KALRN: variants seen among roughly 807,000 people sequenced by gnomAD.
KALRN encodes the protein kalirin.
KALRN carries 70 observed loss-of-function variants against 353.7 expected under a neutral mutation model. The observed-to-expected ratio is 0.20, with a 90% CI of 0.16 to 0.24. The LOEUF (loss-of-function observed/expected upper bound fraction) is 0.24, where lower values mean the gene tolerates loss of function less well. Among genes scored for constraint, KALRN ranks in the 10% least tolerant of loss-of-function variants. The pLI is 1.00. For synonymous variants in KALRN, 1,391 were observed against 1,434.8 expected, an observed-to-expected ratio of 0.97 and a Z score of 0.69; for missense variants, 2,791 against 3,756.7, an observed-to-expected ratio of 0.74 and a Z score of 6.72.
chr3:124,617,061 G>A (rs1220993907), intron 34 of KALRN, among the ~76,000 whole-genome samples: 1 of 152,054 alleles, frequency 6.6e-6, no homozygotes, highest in Non-Finnish European at 1.5e-5. Context: ...GCTGGGCGTG[G>A]TGGCTCACGT....
intron 13 of KALRN, among the ~76,000 whole-genome samples, chr3:124,411,501 G>A (rs892271167): frequency 7.9e-6 from 1 of 127,110 alleles, no homozygotes; most frequent in Non-Finnish European, 1.6e-5. Context: ...GAGTGCAGTA[G>A]CATAATAATA....
intron 1 of KALRN, among the ~76,000 whole-genome samples, chr3:124,137,647 G>C (rs1358488706): frequency 1.3e-5 from 2 of 152,164 alleles, no homozygotes; most frequent in East Asian, 3.8e-4. Flanking sequence ...CTTCTTAAAA[G>C]AGTTTCTCCA....
intron 1 of KALRN, among the ~76,000 whole-genome samples, chr3:124,102,877 T>C (rs1446135270): frequency 1.3e-5 from 2 of 152,276 alleles, no homozygotes; most frequent in African/African-American, 2.4e-5. Context: ...ATGTAATTAT[T>C]TGATAATTCC....
chr3:124,510,276 T>C (rs1561181893), intron 33 of KALRN, among the ~76,000 whole-genome samples: 2 of 152,112 alleles, frequency 1.3e-5, no homozygotes, highest in Non-Finnish European at 2.9e-5. Context: ...AAGATTCGTG[T>C]TGGGAGCAAG....
chr3:124,423,042 G>A, intron 15 of KALRN, 64 bp downstream of exon 15: 2 of 1,548,718 alleles, frequency 1.3e-6, no homozygotes, highest in South Asian at 2.3e-5. Flanking sequence ...CCTGGGACCT[G>A]CTCCTGGTAT....
chr3:124,612,910 TAAA>T (rs2078167415), intron 34 of KALRN, among the ~76,000 whole-genome samples: 1 of 12,648 alleles, frequency 7.9e-5, no homozygotes. Context: ...GATCCCCACT[TAAA>T]TAATACAAGA....
chr3:124,405,333 G>T (rs2091396282), intron 13 of KALRN, among the ~76,000 whole-genome samples: 1 of 152,292 alleles, frequency 6.6e-6, no homozygotes, highest in Non-Finnish European at 1.5e-5. Flanking sequence ...CTGAACTCAA[G>T]TAAAATTATC....
At chr3:124,645,663 C>CGT (rs71625766) in intron 37 of KALRN, among the ~76,000 whole-genome samples, 37,485 of 147,794 alleles carry the variant, frequency 0.25, 4,846 homozygotes, top group East Asian at 0.44. Flanking sequence ...TCTCTCTGTG[C>CGT]GTGTGTGTGT....
Position 124,701,908 on chromosome 3 carries a change from C to G in KALRN, c.7997-130C>G, listed in dbSNP as rs1411184259. 4 of 627,994 alleles carry G rather than the reference C, an allele frequency of 6.4e-6. No individual in the cohort carries two copies. The Admixed American group carries it at 7.9e-5, about 12-fold the overall frequency. The allele number at this position is 627,994 out of a possible 1,614,324, so 38.9% of individuals were successfully genotyped here. A position where few individuals can be genotyped will look rare whatever the true frequency, so the allele number is the denominator to read the frequency against. ...ACATTCCAGAGAATCATGGCATTTTCCCACTGAGTCAGACTCCATATTTGG... is the reference window on the plus strand; with the variant it reads ...ACATTCCAGAGAATCATGGCATTTTGCCACTGAGTCAGACTCCATATTTGG... On this transcript the variant is annotated intron_variant, in intron 56 of 59. Transcript: ENST00000682506.
chr3:124,171,427 C>G (rs1478547008), intron 1 of KALRN, among the ~76,000 whole-genome samples: 1 of 152,120 alleles, frequency 6.6e-6, no homozygotes, highest in Non-Finnish European at 1.5e-5. Flanking sequence ...ATATCTTATC[C>G]ACTAGAAGAC....
chr3:124,248,465 G>A (rs974950339), intron 3 of KALRN, among the ~76,000 whole-genome samples: 1 of 152,146 alleles, frequency 6.6e-6, no homozygotes, highest in Admixed American at 6.5e-5. Context: ...ATGTACCTGC[G>A]AGGGAACTAG....
intron 49 of KALRN, among the ~76,000 whole-genome samples, chr3:124,677,138 A>T (rs1433145891): frequency 1.3e-5 from 2 of 152,186 alleles, no homozygotes. Flanking sequence ...CCCATAATGG[A>T]CGCTCATCTC....
At chr3:124,421,903 G>A (rs1017682892) in intron 14 of KALRN, among the ~76,000 whole-genome samples, 3 of 152,326 alleles carry the variant, frequency 2.0e-5, no homozygotes, top group South Asian at 2.1e-4. Context: ...AGGTAAACAA[G>A]GAATGGGGCA....
intron 2 of KALRN, 42 bp downstream of exon 2, chr3:124,228,106 A>G: frequency 6.7e-7 from 1 of 1,494,794 alleles, no homozygotes; most frequent in Non-Finnish European, 9.3e-7. Context: ...GACCTAGAGA[A>G]GTTGTGTGTG....
intron 15 of KALRN, among the ~76,000 whole-genome samples, chr3:124,424,319 A>G (rs528776674): frequency 1.3e-5 from 2 of 152,268 alleles, no homozygotes; most frequent in South Asian, 2.1e-4. Flanking sequence ...TCAGAAAACC[A>G]TAGCTCAGCA....
chr3:124,726,134 A>G lies in KALRN; in HGVS notation c.*6664A>G, dbSNP rs2063415936. 2 of 152,310 alleles carry G rather than the reference A, an allele frequency of 1.3e-5. No individual in the cohort carries two copies. Among genetic ancestry groups the G allele is most frequent in the South Asian group, 4.1e-4 (2 of 4,820 alleles). 9.4% of individuals were successfully genotyped at this position (152,310 alleles called of 1,614,324 possible). A position where few individuals can be genotyped will look rare whatever the true frequency, so the allele number is the denominator to read the frequency against. ...CTGCTGTTGTTCATTTTGTATGCAC[A>G]CAATGTCGTTTTGTAAAGGTAGGTT... On this transcript the variant is annotated 3_prime_UTR_variant, in exon 60 of 60. Coordinates refer to ENST00000682506, the MANE Select transcript of KALRN (RefSeq NM_001388419.1).
intron 1 of KALRN, among the ~76,000 whole-genome samples, chr3:124,068,889 G>A (rs1245986489): frequency 6.6e-6 from 1 of 152,194 alleles, no homozygotes; most frequent in East Asian, 1.9e-4. Context: ...GGATGCATGA[G>A]GTAGTAATGT....
At chr3:124,355,500 G>T (rs12491126) in intron 10 of KALRN, among the ~76,000 whole-genome samples, 7 of 151,978 alleles carry the variant, frequency 4.6e-5, no homozygotes, top group Admixed American at 2.0e-4. Flanking sequence ...ATAGTTGAAG[G>T]CTTCCCATAG....
intron 3 of KALRN, among the ~76,000 whole-genome samples, chr3:124,260,579 T>C (rs1343479542): frequency 6.6e-6 from 1 of 152,096 alleles, no homozygotes; most frequent in Non-Finnish European, 1.5e-5. Context: ...GCCCAGGAAG[T>C]AGGCTAAGGG....
Sources: allele counts gnomAD v4.1 joint callset (sites outside exome capture counted in the v4.1 genomes callset), GRCh38; gene constraint gnomAD v4.1.1; transcripts MANE v1.5; gene names NCBI Gene and HGNC (gene_info 2026-07-23, HGNC 2026-07-21).